LINGO2: variants seen among roughly 807,000 people sequenced by gnomAD.
The protein encoded by LINGO2 is leucine-rich repeat and immunoglobulin-like domain-containing nogo receptor-interacting protein 2.
Under a neutral mutation model 30.6 loss-of-function variants are expected in LINGO2, and 14 were observed. That is an observed-to-expected ratio of 0.46 (90% CI 0.30 to 0.72). LINGO2 has a LOEUF of 0.72. LINGO2 is among the 30% of genes least tolerant of loss of function. The pLI is 0.07. For synonymous variants in LINGO2, 317 were observed against 288.5 expected (o/e 1.10, Z -1.00); for missense variants, 729 against 751.7 (o/e 0.97, Z 0.35).
At chr9:28,456,703 A>T in intron 2 of LINGO2, among the ~76,000 whole-genome samples, 1 of 152,142 alleles carries the variant, frequency 6.6e-6, no homozygotes, top group Non-Finnish European at 1.5e-5. Context: ...CACGCATGAC[A>T]CAAACTGAAC....
At chr9:27,948,243 A>T (rs985078989) in exon 6 of LINGO2, 1 of 152,268 alleles carries the variant, frequency 6.6e-6, no homozygotes, top group African/African-American at 2.4e-5. Context: ...GGTCATCTGT[A>T]GGTAACGGAA....
Position 28,144,872 on chromosome 9 carries a change from T to G in LINGO2, c.-86-132467A>C, listed in dbSNP as rs137920676. Among the ~76,000 whole-genome samples, 1,064 of 152,318 alleles carry G rather than the reference T, an allele frequency of 7.0e-3. 11 individuals carry two copies. Among genetic ancestry groups the G allele is most frequent in the African/African-American group, 0.024 (993 of 41,558 alleles). ...AAGAAGATTGAGATCAGTGATTGAG[T>G]TGCATCCCAGTTACAAAAACTGGAT... On this transcript the variant is annotated intron_variant, in intron 4 of 5. Coordinates refer to ENST00000379992, the Ensembl canonical transcript of LINGO2.
At chr9:29,113,383 A>G in the LINGO2 span, among the ~76,000 whole-genome samples, 1 of 152,196 alleles carries the variant, frequency 6.6e-6, no homozygotes, top group African/African-American at 2.4e-5. Context: ...TCAGAAGTTT[A>G]CATATAGATA....
rs1041775528 is a variant in LINGO2, at chr9:28,418,510, C to G, written c.-278-45642G>C. 1.3e-5 allele frequency among the ~76,000 whole-genome samples: 2 copies of G among 152,042 alleles called. 1 individual carries two copies. Among genetic ancestry groups the G allele is most frequent in the Admixed American group, 1.3e-4 (2 of 15,254 alleles). Reference sequence around the variant, plus strand: ...GCCAGGCTGGTCTCGAACTCCTGATCTCGTGATCTGCCCGCCTGTGCCTCC... The same window carrying G: ...GCCAGGCTGGTCTCGAACTCCTGATGTCGTGATCTGCCCGCCTGTGCCTCC... On this transcript the variant is annotated intron_variant, in intron 2 of 5. Transcript: ENST00000379992.
In LINGO2 at chr9:28,351,265, A is replaced by G. The variant is rs943221884; in HGVS notation, c.-246+21571T>C. 6.2e-5 allele frequency among the ~76,000 whole-genome samples: 9 copies of G among 144,528 alleles called. No homozygotes were observed. The South Asian group carries it at 1.8e-3, about 30-fold the overall frequency. The allele number at this position is 144,528 out of a possible 152,430, so 94.8% of individuals were successfully genotyped here. On this transcript the variant is annotated intron_variant, in intron 3 of 5. Coordinates refer to ENST00000379992, the Ensembl canonical transcript of LINGO2. ...GATAGACCGCTAGCAAGACTAATAA[A>G]GAAAAAAAGAGAGAAGAATCAAATA...
At chr9:28,226,031 A>C (rs1437067075) in intron 4 of LINGO2, among the ~76,000 whole-genome samples, 1 of 152,178 alleles carries the variant, frequency 6.6e-6, no homozygotes, top group Non-Finnish European at 1.5e-5. Context: ...ATAACACCAG[A>C]AGTTCCTCCA....
chr9:28,943,550 G>T, the LINGO2 span, among the ~76,000 whole-genome samples: 1 of 152,154 alleles, frequency 6.6e-6, no homozygotes, highest in African/African-American at 2.4e-5. Context: ...GGTTTTTAAA[G>T]TTTATATTGA....
intron 4 of LINGO2, among the ~76,000 whole-genome samples, chr9:28,189,024 T>C (rs1318473563): frequency 6.8e-6 from 1 of 146,804 alleles, no homozygotes; most frequent in Non-Finnish European, 1.5e-5. Context: ...ATTAAGAAGA[T>C]AATCTGGGCA....
the LINGO2 span, among the ~76,000 whole-genome samples, chr9:28,702,241 T>C: frequency 2.0e-5 from 3 of 152,000 alleles, no homozygotes; most frequent in East Asian, 1.9e-4. Context: ...CTATTAAATA[T>C]GAAGTTAACT....
chr9:28,821,376 A>C, the LINGO2 span, among the ~76,000 whole-genome samples: 1 of 152,240 alleles, frequency 6.6e-6, no homozygotes, highest in Non-Finnish European at 1.5e-5. Context: ...TTATAAAAAC[A>C]AATGAGCAAG....
At chr9:29,123,141 A>G in the LINGO2 span, among the ~76,000 whole-genome samples, 8 of 152,106 alleles carry the variant, frequency 5.3e-5, no homozygotes, top group African/African-American at 1.9e-4. Context: ...TTCACAGGAC[A>G]GGAGAAGGCA....
At chr9:29,006,181 A>C in the LINGO2 span, among the ~76,000 whole-genome samples, 1 of 151,814 alleles carries the variant, frequency 6.6e-6, no homozygotes, top group South Asian at 2.1e-4. Flanking sequence ...ACATAATTAC[A>C]CACAAACATA....
chr9:28,328,842 A>C (rs891676631), intron 3 of LINGO2, among the ~76,000 whole-genome samples: 2 of 152,196 alleles, frequency 1.3e-5, no homozygotes, highest in Admixed American at 1.3e-4. Flanking sequence ...TCAGGTTACA[A>C]GATGTCAGTA....
chr9:29,092,775 G>A, the LINGO2 span, among the ~76,000 whole-genome samples: 3 of 136,700 alleles, frequency 2.2e-5, no homozygotes. Context: ...TTTAATAGTG[G>A]CACAGGCAGA....
At chr9:28,853,826 A>G in the LINGO2 span, among the ~76,000 whole-genome samples, 2 of 151,888 alleles carry the variant, frequency 1.3e-5, no homozygotes, top group Non-Finnish European at 2.9e-5. Flanking sequence ...CCTGCCCTTG[A>G]CATGTGGGGA....
At chr9:28,453,421 T>A (rs1564208579) in intron 2 of LINGO2, among the ~76,000 whole-genome samples, 1 of 151,964 alleles carries the variant, frequency 6.6e-6, no homozygotes, top group Admixed American at 6.6e-5. Flanking sequence ...CTGATGCAAC[T>A]TTCTGGTCTA....
chr9:28,588,819 A>T (rs1824710271), intron 1 of LINGO2, among the ~76,000 whole-genome samples: 1 of 152,050 alleles, frequency 6.6e-6, no homozygotes, highest in African/African-American at 2.4e-5. Context: ...GCATTTCAAG[A>T]ACTTGTGGCA....
chr9:27,955,263 C>T (rs1819510075), intron 5 of LINGO2, among the ~76,000 whole-genome samples: 1 of 152,184 alleles, frequency 6.6e-6, no homozygotes, highest in African/African-American at 2.4e-5. Context: ...AATTTCTCCA[C>T]CTCATAGAAG....
the LINGO2 span, among the ~76,000 whole-genome samples, chr9:28,971,339 G>T: frequency 2.0e-5 from 3 of 152,120 alleles, no homozygotes; most frequent in Admixed American, 1.3e-4. Context: ...CAGGATGTTG[G>T]GGTCCTAGAT....
Sources: allele counts gnomAD v4.1 joint callset (sites outside exome capture counted in the v4.1 genomes callset), GRCh38; gene constraint gnomAD v4.1.1; transcripts MANE v1.5; gene names NCBI Gene and HGNC (gene_info 2026-07-23, HGNC 2026-07-21).